Variants in GPANK1 observed in about 807,000 individuals in gnomAD.
GPANK1 encodes the protein G-patch domain and ankyrin repeats 1.
GPANK1 carries 22 observed loss-of-function variants against 24.0 expected under a neutral mutation model. That is an observed-to-expected ratio of 0.92 (90% CI 0.66 to 1.31). The LOEUF is 1.31. GPANK1 is among the 50% of genes most tolerant of loss of function. GPANK1 has a pLI of 0.00. For synonymous variants in GPANK1, 174 were observed against 177.4 expected (o/e 0.98, Z 0.15); for missense variants, 469 against 453.5 (o/e 1.03, Z -0.31).
chr6:31,665,604 A>C, upstream of GPANK1: 1 of 1,050,556 alleles, frequency 9.5e-7, no homozygotes, highest in Non-Finnish European at 1.4e-6. Context: ...AGCCCGGAGG[A>C]AACAGTATGC....
chr6:31,662,364 G>C lies in GPANK1; in HGVS notation c.973C>G (p.Arg325Gly), dbSNP rs776206467. Residue 325 changes from arginine to glycine, a missense_variant, in exon 3 of 3, where the codon CGG becomes GGG. Arg to Gly is a moderately radical substitution (Grantham distance 125, BLOSUM62 -2). Coordinates refer to ENST00000375896, the MANE Select transcript of GPANK1 (RefSeq NM_033177.4). The surrounding 1 kb of genome is among the most constrained non-coding windows in gnomAD (Gnocchi z 5.5). Reference protein sequence around the residue: ...RAVAGRERPPRVATLSWREER... With the variant: ...RAVAGRERPPGVATLSWREER... ...TCCCTCCAGCTCAGTGTGGCCACCCGAGGGGGTCTCTCCCTCCCAGCCACA... is the reference window on the plus strand; with the variant it reads ...TCCCTCCAGCTCAGTGTGGCCACCCCAGGGGGTCTCTCCCTCCCAGCCACA... 8.1e-6 allele frequency: 13 copies of C among 1,612,174 alleles called. No homozygotes were observed. Among genetic ancestry groups the C allele is most frequent in the Non-Finnish European group, 1.0e-5 (12 of 1,179,616 alleles).
chr6:31,662,939 A>C lies in GPANK1; in HGVS notation c.627-229T>G, dbSNP rs1019279027. Among the ~76,000 whole-genome samples the C allele has an allele frequency of 1.1e-4, 16 of 148,166 alleles. No homozygotes were observed. Among genetic ancestry groups the C allele is most frequent in the African/African-American group, 4.0e-4 (16 of 39,772 alleles). On this transcript the variant is annotated intron_variant, in intron 2 of 2. Transcript: ENST00000375896. The surrounding 1 kb of genome is among the most constrained non-coding windows in gnomAD (Gnocchi z 5.5). The stretch of plus-strand genomic sequence containing the variant: ...TTGAGACCAGCCTGGGCAAAATGGC[A>C]ACGCCTGCTTTTTTTTTTTTTTTTT...
chr6:31,663,928 G>A lies in GPANK1; in HGVS notation c.551C>T (p.Ala184Val). Residue 184 changes from alanine to valine, a missense_variant, in exon 2 of 3, where the codon GCT becomes GTT. Transcript: ENST00000375896. ...ELSGRDAAQL[A>V]EEAGFPEVAR... is the part of the protein sequence containing the mutation. ...TACCTCAGGGAAGCCAGCTTCTTCA[G>A]CGAGCTGAGCCGCATCCCTGCCACT... 6.2e-7 allele frequency: 1 copy of A among 1,612,970 alleles called. No homozygotes were observed. The highest frequency in any genetic ancestry group is 1.1e-5 in the South Asian group (1 of 90,982).
In GPANK1 at chr6:31,664,895, G is replaced by A. The variant is rs1426127408; in HGVS notation, c.-154C>T. On this transcript the variant is annotated 5_prime_UTR_variant, in exon 1 of 3. Coordinates refer to ENST00000375896, the MANE Select transcript of GPANK1 (RefSeq NM_033177.4). ...TTAAGTCTTCCGCGATCCCATTTCGGAGTTTCCTCTTCCCAAACAAAAATA... is the reference window on the plus strand; with the variant it reads ...TTAAGTCTTCCGCGATCCCATTTCGAAGTTTCCTCTTCCCAAACAAAAATA... The A allele has an allele frequency of 4.6e-6, 1 of 217,890 alleles. No individual in the cohort carries two copies. Among genetic ancestry groups the A allele is most frequent in the African/African-American group, 2.3e-5 (1 of 43,260 alleles). The allele number at this position is 217,890 out of a possible 1,614,324, so 13.5% of individuals were successfully genotyped here.
At chr6:31,665,396 T>A, upstream of GPANK1, 1 of 1,508,480 alleles carries the variant, frequency 6.6e-7, no homozygotes, top group Non-Finnish European at 9.0e-7. Flanking sequence ...CGCCTGCCCC[T>A]CACCATTACT....
Position 31,661,923 on chromosome 6 carries a change from G to A in GPANK1, c.*343C>T. On this transcript the variant is annotated 3_prime_UTR_variant, in exon 3 of 3. Transcript: ENST00000375896. Reference sequence around the variant, plus strand: ...CAGGGGGGTTGAAAGAATAGGTGGGGGACTCCCAGGAGGGTCTGGGACCTG... The same window carrying A: ...CAGGGGGGTTGAAAGAATAGGTGGGAGACTCCCAGGAGGGTCTGGGACCTG... The A allele has an allele frequency of 3.7e-6, 1 of 272,590 alleles. No homozygotes were observed. The highest frequency in any genetic ancestry group is 6.8e-6 in the Non-Finnish European group (1 of 146,838). 16.9% of individuals were successfully genotyped at this position (272,590 alleles called of 1,614,324 possible).
intron 2 of GPANK1, among the ~76,000 whole-genome samples, chr6:31,663,038 T>G (rs1478756248): frequency 6.8e-6 from 1 of 146,216 alleles, no homozygotes; most frequent in Non-Finnish European, 1.5e-5. Flanking sequence ...AACTTCCACC[T>G]TAGCGATTCT....
upstream of GPANK1, chr6:31,665,306 C>T: frequency 2.5e-6 from 2 of 792,838 alleles, no homozygotes; most frequent in Non-Finnish European, 4.3e-6. Context: ...CAGGAATCCA[C>T]TCTGTGGGTT....
At chr6:31,665,532 C>T, upstream of GPANK1, 4 of 1,536,390 alleles carry the variant, frequency 2.6e-6, no homozygotes, top group Non-Finnish European at 3.5e-6. Flanking sequence ...ACACCGCCCA[C>T]CCCACCCCAC....
chr6:31,664,576 A>C lies in GPANK1; in HGVS notation c.-98T>G. 1.1e-6 allele frequency: 1 copy of C among 910,850 alleles called. No individual in the cohort carries two copies. Among genetic ancestry groups the C allele is most frequent in the Non-Finnish European group, 1.7e-6 (1 of 591,382 alleles). 56.4% of individuals were successfully genotyped at this position (910,850 alleles called of 1,614,324 possible). On this transcript the variant is annotated splice_region_variant and 5_prime_UTR_variant, in exon 2 of 3. Transcript: ENST00000375896. ...CCCTGTAGCAACCACAGCCTCAGAG[A>C]CCTGCTGGGATGAGAAAAAGTAGTC...
In GPANK1 at chr6:31,664,508, C is replaced by T; in HGVS notation, c.-30G>A. 1 of 1,559,742 alleles carries T rather than the reference C, an allele frequency of 6.4e-7. No homozygotes were observed. The highest frequency in any genetic ancestry group is 8.8e-7 in the Non-Finnish European group (1 of 1,140,860). ...TTTGGGAGAACTGAGAAAATGATAC[C>T]AGGCAAGGGAAGGATGAGACAAGTA... On this transcript the variant is annotated 5_prime_UTR_variant, in exon 2 of 3. Coordinates refer to ENST00000375896, the MANE Select transcript of GPANK1 (RefSeq NM_033177.4).
intron 1 of GPANK1, 65 bp downstream of exon 1, chr6:31,664,776 C>T (rs1182484401): frequency 1.2e-5 from 5 of 425,438 alleles, no homozygotes; most frequent in Non-Finnish European, 2.1e-5. Flanking sequence ...GCCCCCACCC[C>T]CATCCTCACC....
Position 31,661,977 on chromosome 6 carries a change from A to T in GPANK1, c.*289T>A, listed in dbSNP as rs1429819948. 3 of 356,174 alleles carry T rather than the reference A, an allele frequency of 8.4e-6. No individual in the cohort carries two copies. The highest frequency in any genetic ancestry group is 1.5e-5 in the Non-Finnish European group (3 of 199,450). The allele number at this position is 356,174 out of a possible 1,614,324, so 22.1% of individuals were successfully genotyped here. On this transcript the variant is annotated 3_prime_UTR_variant, in exon 3 of 3. Transcript: ENST00000375896. ...GTGAACCCAGATTGGCAGGGAGGTG[A>T]CCTTATCATGCCACCTGGAGAGGCT...
At chr6:31,665,367 G>A (rs1312187974), upstream of GPANK1, 5 of 1,300,310 alleles carry the variant, frequency 3.8e-6, no homozygotes, top group African/African-American at 1.5e-5. Context: ...CCGAGAAGCC[G>A]TGTAATGAAA....
upstream of GPANK1, chr6:31,665,371 A>T: frequency 7.5e-7 from 1 of 1,337,562 alleles, no homozygotes; most frequent in Non-Finnish European, 1.1e-6. Flanking sequence ...GAAGCCGTGT[A>T]ATGAAATAAC....
At position 31,664,009 on chromosome 6, in the gene GPANK1, G is replaced by GC. The variant is rs1205083058; in HGVS notation, c.469dup (p.Ala157GlyfsTer18). On this transcript the variant is annotated frameshift_variant, in exon 2 of 3. Coordinates refer to ENST00000375896, the MANE Select transcript of GPANK1 (RefSeq NM_033177.4). LOFTEE classifies it high-confidence loss of function. The stretch of plus-strand genomic sequence containing the variant: ...ACGGCCCAGGAGATAGCTCACAGCT[G>GC]CCCCCTGGCCCGCTCGAGCAGCACA... The GC allele has an allele frequency of 1.2e-6, 2 of 1,614,034 alleles. No homozygotes were observed. The highest frequency in any genetic ancestry group is 3.3e-5 in the Admixed American group (2 of 60,008).
chr6:31,665,870 G>A (rs1801617378), upstream of GPANK1: 2 of 1,112,568 alleles, frequency 1.8e-6, no homozygotes, highest in Non-Finnish European at 1.1e-6. Flanking sequence ...CCTGGCTTCC[G>A]CTTCCGGTGG....
Position 31,662,454 on chromosome 6 carries a change from C to A in GPANK1, c.883G>T (p.Gly295Ter). The A allele has an allele frequency of 6.2e-7, 1 of 1,611,602 alleles. No homozygotes were observed. Residue 295 changes from glycine to a stop codon, truncating the protein, a stop_gained, in exon 3 of 3, where the codon GGA becomes TGA. Coordinates refer to ENST00000375896, the MANE Select transcript of GPANK1 (RefSeq NM_033177.4). LOFTEE classifies it high-confidence loss of function. This position sits in a 1 kb window ranked among gnomAD's most constrained non-coding sequence, Gnocchi z 5.5. ...TGGGGTGCTGATCTGTAGCCTAGTC[C>A]TTCCTGGTCCCTCTTGAGGACAGTG... ...IPTVLKRDQE[G>*]LGYRSAPQPR...
Position 31,662,535 on chromosome 6 carries a change from A to G in GPANK1, c.802T>C (p.Trp268Arg), listed in dbSNP as rs1801011472. The G allele has an allele frequency of 6.2e-6, 10 of 1,612,862 alleles. No individual in the cohort carries two copies. The highest frequency in any genetic ancestry group is 8.5e-6 in the Non-Finnish European group (10 of 1,179,938). The change falls in exon 3 of 3, where the codon TGG becomes CGG. Residue 268 changes from tryptophan to arginine, a missense_variant. Physicochemically the swap from Trp to Arg is moderately radical, Grantham distance 101. Transcript: ENST00000375896. This position sits in a 1 kb window ranked among gnomAD's most constrained non-coding sequence, Gnocchi z 5.5. ...GGTCCCAGCCCCATTCCTGGCTCCC[A>G]GCCCCCCCTCAGCAGCAGTTTGAAG... ...PGFKLLLRGG[W>R]EPGMGLGPRG...
Sources: gnomAD v4.1 joint callset for allele counts (sites outside exome capture counted in the v4.1 genomes callset) on GRCh38, gnomAD v4.1.1 for gene constraint, Gnocchi (gnomAD v3.1) non-coding constraint, MANE v1.5 for transcripts, NCBI Gene and HGNC (gene_info 2026-07-23, HGNC 2026-07-21) for gene names.